Variants in CDKAL1 observed in about 807,000 individuals in gnomAD.
CDKAL1 encodes the protein CDKAL1 threonylcarbamoyladenosine tRNA methylthiotransferase, also known as threonylcarbamoyladenosine tRNA methylthiotransferase.
Under a neutral mutation model 68.2 loss-of-function variants are expected in CDKAL1, and 32 were observed. The observed-to-expected ratio is 0.47, with a 90% CI of 0.35 to 0.63. The LOEUF is 0.63. CDKAL1 is among the 30% of genes least tolerant of loss of function. The pLI is 0.00. For missense variants in CDKAL1, 606 were observed against 696.7 expected (o/e 0.87, Z 1.47); for synonymous variants, 234 against 244.3 (o/e 0.96, Z 0.39).
intron 5 of CDKAL1, among the ~76,000 whole-genome samples, chr6:20,692,634 C>T (rs1770919540): frequency 6.6e-6 from 1 of 151,996 alleles, no homozygotes. Context: ...TGGGGAATAT[C>T]AGCTATGGAA....
At chr6:21,152,320 G>A (rs1467961637) in intron 13 of CDKAL1, among the ~76,000 whole-genome samples, 1 of 152,178 alleles carries the variant, frequency 6.6e-6, no homozygotes, top group African/African-American at 2.4e-5. Context: ...GGGCATAGCA[G>A]TAGTCTCCAA....
rs542285797 is a variant in CDKAL1, at chr6:20,974,976, C to G, written c.909+19391C>G. Among the ~76,000 whole-genome samples the G allele has an allele frequency of 2.7e-4, 13 of 47,618 alleles. 1 individual carries two copies. Among genetic ancestry groups the G allele is most frequent in the Middle Eastern group, 0.016 (1 of 64 alleles). 31.2% of individuals were successfully genotyped at this position (47,618 alleles called of 152,430 possible). On this transcript the variant is annotated intron_variant, in intron 10 of 15. Transcript: ENST00000274695. ...CCTGGGTGACAGAGGCAGACCCTAT[C>G]TCAAAAAAAAAAAAAAAAAAAAAAA...
In CDKAL1 at chr6:20,546,057, C is replaced by T. The variant is rs192047441; in HGVS notation, c.-5-289C>T. On this transcript the variant is annotated intron_variant, in intron 2 of 15. Transcript: ENST00000274695. ...TCCTGTTATCTGAAACAGTTCCTCT[C>T]CTACTTTTTCCTACTTGACATTGAT... Among the ~76,000 whole-genome samples the T allele has an allele frequency of 3.9e-3, 598 of 151,460 alleles. 3 individuals are homozygous for T. The highest frequency in any genetic ancestry group is 0.014 in the African/African-American group (564 of 41,348).
intron 10 of CDKAL1, among the ~76,000 whole-genome samples, chr6:20,977,541 G>A (rs964241947): frequency 6.6e-6 from 1 of 152,060 alleles, no homozygotes; most frequent in African/African-American, 2.4e-5. Context: ...TTATCTCCTA[G>A]GTTCCTTCCA....
chr6:20,606,460 C>T (rs1232434172), intron 4 of CDKAL1, among the ~76,000 whole-genome samples: 1 of 152,046 alleles, frequency 6.6e-6, no homozygotes, highest in African/African-American at 2.4e-5. Context: ...CATAGAGAAG[C>T]TGAATGTGTA....
chr6:20,674,485 G>A (rs1769998071), intron 5 of CDKAL1, among the ~76,000 whole-genome samples: 1 of 152,116 alleles, frequency 6.6e-6, no homozygotes, highest in African/African-American at 2.4e-5. Flanking sequence ...TATTTATGGA[G>A]TACATATAGA....
chr6:20,978,313 TTTC>T (rs1373326974), intron 10 of CDKAL1, among the ~76,000 whole-genome samples: 1 of 152,204 alleles, frequency 6.6e-6, no homozygotes, highest in African/African-American at 2.4e-5. Context: ...GGCGGGTGTT[TTTC>T]TTAAGTTATT....
chr6:20,915,737 G>GA (rs1762694038), intron 9 of CDKAL1, among the ~76,000 whole-genome samples: 1 of 152,136 alleles, frequency 6.6e-6, no homozygotes, highest in Admixed American at 6.5e-5. Context: ...TGTTCACACA[G>GA]AAATATATAC....
At chr6:20,558,412 T>C (rs1377566182) in intron 4 of CDKAL1, 3 of 406,774 alleles carry the variant, frequency 7.4e-6, no homozygotes, top group Non-Finnish European at 4.9e-6. Flanking sequence ...ATAAATTAAT[T>C]TGGAGATATC....
At chr6:20,770,347 A>G (rs978824048) in intron 7 of CDKAL1, among the ~76,000 whole-genome samples, 1 of 152,228 alleles carries the variant, frequency 6.6e-6, no homozygotes, top group African/African-American at 2.4e-5. Flanking sequence ...TGTTGTAAGA[A>G]TAAGTGTTGA....
At chr6:20,801,648 A>G (rs1283941472) in intron 8 of CDKAL1, among the ~76,000 whole-genome samples, 1 of 152,228 alleles carries the variant, frequency 6.6e-6, no homozygotes, top group Non-Finnish European at 1.5e-5. Flanking sequence ...GAGCAAGCAC[A>G]TGGCTGAGTT....
chr6:20,679,659 T>C (rs1044071239), intron 5 of CDKAL1, among the ~76,000 whole-genome samples: 2 of 152,280 alleles, frequency 1.3e-5, no homozygotes, highest in Non-Finnish European at 2.9e-5. Context: ...CTTGGTTGTT[T>C]TTAAAATTCA....
chr6:20,813,030 AC>A (rs1776888351), intron 8 of CDKAL1, among the ~76,000 whole-genome samples: 1 of 152,106 alleles, frequency 6.6e-6, no homozygotes, highest in Non-Finnish European at 1.5e-5. Flanking sequence ...TAGTTATTAT[AC>A]CTCAGTGCAA....
intron 9 of CDKAL1, among the ~76,000 whole-genome samples, chr6:20,884,656 C>T (rs753236849): frequency 1.4e-4 from 22 of 152,162 alleles, no homozygotes; most frequent in Non-Finnish European, 3.1e-4. Flanking sequence ...TGTAGCAAAG[C>T]TGTAGGTTAT....
chr6:20,954,142 C>A (rs1247240116), intron 9 of CDKAL1, among the ~76,000 whole-genome samples: 2 of 152,008 alleles, frequency 1.3e-5, no homozygotes, highest in Admixed American at 1.3e-4. Flanking sequence ...AATTATATTT[C>A]TTATGCTAAA....
chr6:20,810,367 G>GTCTCTC (rs5874785), intron 8 of CDKAL1, among the ~76,000 whole-genome samples: 9,364 of 136,006 alleles, frequency 0.069, 607 homozygotes, highest in East Asian at 0.3. Context: ...CATAGTGAGA[G>GTCTCTC]TCTCTCTCTC....
chr6:21,170,883 C>T (rs1777355790), intron 13 of CDKAL1, among the ~76,000 whole-genome samples: 1 of 152,174 alleles, frequency 6.6e-6, no homozygotes. Context: ...AATCTGTTTA[C>T]AGCCCTGTCA....
intron 9 of CDKAL1, among the ~76,000 whole-genome samples, chr6:20,921,665 T>C (rs1762962949): frequency 6.6e-6 from 1 of 152,222 alleles, no homozygotes; most frequent in Admixed American, 6.5e-5. Context: ...GGCCCAGCTC[T>C]GTGGCTTGAT....
chr6:21,209,753 T>A (rs1323539425), intron 15 of CDKAL1, among the ~76,000 whole-genome samples: 1 of 152,170 alleles, frequency 6.6e-6, no homozygotes, highest in Non-Finnish European at 1.5e-5. Context: ...ACCAAAGATA[T>A]ATTTCAGCAG....
Sources: allele counts gnomAD v4.1 joint callset (sites outside exome capture counted in the v4.1 genomes callset), GRCh38; gene constraint gnomAD v4.1.1; transcripts MANE v1.5; gene names NCBI Gene and HGNC (gene_info 2026-07-23, HGNC 2026-07-21).